Variants in SLC13A3 observed in about 807,000 individuals in gnomAD.
SLC13A3 encodes Na(+)/dicarboxylate cotransporter 3.
A neutral mutation model predicts 59.0 loss-of-function variants in SLC13A3; 40 were observed. The observed-to-expected ratio is 0.68, with a 90% CI of 0.53 to 0.88. The LOEUF (loss-of-function observed/expected upper bound fraction) is 0.88. Among genes scored for constraint, SLC13A3 ranks in the 40% least tolerant of loss-of-function variants. The probability of loss-of-function intolerance (pLI) is 0.00; values close to 1 mark genes in which losing one functional copy is unlikely to be tolerated. For missense variants in SLC13A3, 699 were observed against 783.2 expected (o/e 0.89, Z 1.28); for synonymous variants, 317 against 330.3 (o/e 0.96, Z 0.44).
At chr20:46,585,908 G>A (rs1005274183) in intron 8 of SLC13A3, among the ~76,000 whole-genome samples, 1 of 152,142 alleles carries the variant, frequency 6.6e-6, no homozygotes, top group South Asian at 2.1e-4. Flanking sequence ...GGCCCAGAAG[G>A]TGAGATATCT....
chr20:46,640,022 C>T (rs1037218222), intron 1 of SLC13A3, among the ~76,000 whole-genome samples: 1 of 152,140 alleles, frequency 6.6e-6, no homozygotes, highest in Non-Finnish European at 1.5e-5. Flanking sequence ...ACACACCAGC[C>T]CACAGAGCCA....
At chr20:46,612,152 C>G (rs528845061) in intron 2 of SLC13A3, among the ~76,000 whole-genome samples, 6 of 73,118 alleles carry the variant, frequency 8.2e-5, no homozygotes, top group Admixed American at 2.2e-4. Context: ...TTTTTTGAGA[C>G]AGGGTCTCAC....
chr20:46,682,922 T>C (rs746412389), intron 1 of SLC13A3, among the ~76,000 whole-genome samples: 8 of 152,170 alleles, frequency 5.3e-5, no homozygotes, highest in Non-Finnish European at 8.8e-5. Context: ...CTTAGCCCTT[T>C]GTGAGAGGAA....
At chr20:46,583,538 G>C in intron 9 of SLC13A3, 34 bp downstream of exon 9, 1 of 1,609,872 alleles carries the variant, frequency 6.2e-7, no homozygotes, top group Non-Finnish European at 8.5e-7. Context: ...AGTCCTCACT[G>C]AGCCCACCGA....
At chr20:46,618,490 G>A (rs1316950952) in intron 1 of SLC13A3, among the ~76,000 whole-genome samples, 1 of 152,212 alleles carries the variant, frequency 6.6e-6, no homozygotes, top group African/African-American at 2.4e-5. Context: ...CATCCCCATT[G>A]TAGTGGTAAT....
At chr20:46,674,017 T>G (rs1243624025), upstream of SLC13A3, among the ~76,000 whole-genome samples, 1 of 152,168 alleles carries the variant, frequency 6.6e-6, no homozygotes, top group African/African-American at 2.4e-5. Context: ...AAGATACATG[T>G]GTGAAATACA....
At chr20:46,678,831 G>A (rs751611189) in intron 1 of SLC13A3, among the ~76,000 whole-genome samples, 3 of 152,122 alleles carry the variant, frequency 2.0e-5, no homozygotes, top group Non-Finnish European at 4.4e-5. Flanking sequence ...GGGAGGTACT[G>A]GATCATGGCG....
chr20:46,597,762 C>G (rs972242729), intron 4 of SLC13A3, among the ~76,000 whole-genome samples: 1 of 152,176 alleles, frequency 6.6e-6, no homozygotes, highest in African/African-American at 2.4e-5. Flanking sequence ...AGCTGTCTGT[C>G]AAGAAATAGT....
chr20:46,602,893 C>G (rs570564037), intron 3 of SLC13A3, among the ~76,000 whole-genome samples: 13 of 152,056 alleles, frequency 8.5e-5, no homozygotes, highest in Non-Finnish European at 1.5e-4. Context: ...AAGAGTTAAT[C>G]TACTGCCAGG....
chr20:46,586,059 G>A (rs1347853822), intron 8 of SLC13A3, among the ~76,000 whole-genome samples: 2 of 152,084 alleles, frequency 1.3e-5, no homozygotes, highest in African/African-American at 4.8e-5. Context: ...AAAAAAGAAT[G>A]CAAAATATCT....
intron 1 of SLC13A3, among the ~76,000 whole-genome samples, chr20:46,621,841 C>T (rs568557464): frequency 3.2e-4 from 49 of 152,350 alleles, no homozygotes; most frequent in African/African-American, 1.2e-3. Flanking sequence ...ATAATTGGTA[C>T]ACTGAAAGTG....
chr20:46,592,668 C>A, intron 5 of SLC13A3, 139 bp from the exon 6 acceptor site: 1 of 853,342 alleles, frequency 1.2e-6, no homozygotes, highest in Non-Finnish European at 1.8e-6. Flanking sequence ...ACAGTGTTTT[C>A]CACCAATTCT....
intron 1 of SLC13A3, among the ~76,000 whole-genome samples, chr20:46,675,450 T>A (rs2063119051): frequency 6.7e-6 from 1 of 149,744 alleles, no homozygotes; most frequent in African/African-American, 2.5e-5. Context: ...TTCACCGTGT[T>A]GCTCAGGCTG....
chr20:46,618,274 T>C (rs1167315984), intron 1 of SLC13A3, among the ~76,000 whole-genome samples: 2 of 152,176 alleles, frequency 1.3e-5, no homozygotes, highest in African/African-American at 4.8e-5. Context: ...TTCATATGCT[T>C]CCACTGCTCA....
intron 1 of SLC13A3, among the ~76,000 whole-genome samples, chr20:46,678,154 G>T (rs2063136813): frequency 6.6e-6 from 1 of 152,172 alleles, no homozygotes; most frequent in Admixed American, 6.5e-5. Flanking sequence ...AGAAGGAGTT[G>T]GTGGCAGACT....
At chr20:46,637,306 G>A (rs568170246) in intron 1 of SLC13A3, among the ~76,000 whole-genome samples, 2 of 152,200 alleles carry the variant, frequency 1.3e-5, no homozygotes, top group South Asian at 2.1e-4. Flanking sequence ...ACAGTCCCTC[G>A]CTTCTCAGGC....
rs114967554 is a variant in SLC13A3 at position 46,624,678 on chromosome 20, A to T, written c.112-10953T>A. ...GGGATATACTTATAGTTTAAAAATG[A>T]CTCCTTGTTCATCTGAAATTCAAAG... On this transcript the variant is annotated intron_variant, in intron 1 of 12. Coordinates refer to ENST00000279027, the MANE Select transcript of SLC13A3 (RefSeq NM_022829.6). Among the ~76,000 whole-genome samples the T allele has an allele frequency of 2.8e-3, 419 of 152,168 alleles. 2 individuals carry two copies. The highest frequency in any genetic ancestry group is 9.8e-3 in the African/African-American group (406 of 41,508).
chr20:46,570,771 T>C (rs2062022460), intron 10 of SLC13A3, among the ~76,000 whole-genome samples: 1 of 152,160 alleles, frequency 6.6e-6, no homozygotes, highest in Admixed American at 6.5e-5. Flanking sequence ...TTGAAGAAAC[T>C]GAAGCATAAA....
At chr20:46,641,235 G>T (rs2062843736) in intron 1 of SLC13A3, among the ~76,000 whole-genome samples, 1 of 152,140 alleles carries the variant, frequency 6.6e-6, no homozygotes, top group African/African-American at 2.4e-5. Flanking sequence ...CCCCGTACAG[G>T]TTCTGAAATC....
Sources: allele counts gnomAD v4.1 joint callset (sites outside exome capture counted in the v4.1 genomes callset), GRCh38; gene constraint gnomAD v4.1.1; transcripts MANE v1.5; gene names NCBI Gene and HGNC (gene_info 2026-07-23, HGNC 2026-07-21).